OXR1: variants seen among roughly 807,000 people sequenced by gnomAD.
The protein encoded by OXR1 is oxidation resistance protein 1.
OXR1 carries 41 observed loss-of-function variants against 104.6 expected under a neutral mutation model. That is an observed-to-expected ratio of 0.39 (90% CI 0.31 to 0.51). The LOEUF is 0.51. Among genes scored for constraint, OXR1 ranks in the 20% least tolerant of loss-of-function variants. The pLI, the probability that OXR1 is intolerant of heterozygous loss-of-function variation, is 0.77. For missense variants in OXR1, 955 were observed against 1,031.9 expected, an observed-to-expected ratio of 0.93 and a Z score of 1.02; for synonymous variants, 348 against 348.4, an observed-to-expected ratio of 1.00 and a Z score of 0.01.
intron 1 of OXR1, among the ~76,000 whole-genome samples, chr8:106,358,847 T>G (rs1816099692): frequency 6.7e-6 from 1 of 149,706 alleles, no homozygotes; most frequent in Admixed American, 6.6e-5. Flanking sequence ...AATAATTTAG[T>G]GAATAATTTA....
intron 2 of OXR1, among the ~76,000 whole-genome samples, chr8:106,499,689 A>T (rs1252883866): frequency 4.6e-5 from 7 of 152,178 alleles, no homozygotes; most frequent in African/African-American, 1.7e-4. Context: ...TTGACTTTTG[A>T]ATAACTGGTA....
chr8:106,586,854 T>C (rs1818667618), intron 3 of OXR1, among the ~76,000 whole-genome samples: 1 of 152,220 alleles, frequency 6.6e-6, no homozygotes, highest in South Asian at 2.1e-4. Context: ...GAGGAGGTCA[T>C]TGGTGACTTC....
At chr8:106,723,747 A>G (rs987441466) in intron 11 of OXR1, among the ~76,000 whole-genome samples, 1 of 152,118 alleles carries the variant, frequency 6.6e-6, no homozygotes, top group Non-Finnish European at 1.5e-5. Flanking sequence ...AGACTAGTTT[A>G]TGATTTTAAA....
chr8:106,538,069 A>G (rs1814682689), intron 3 of OXR1, among the ~76,000 whole-genome samples: 1 of 152,192 alleles, frequency 6.6e-6, no homozygotes, highest in African/African-American at 2.4e-5. Context: ...AGGCATAAAT[A>G]GTGAGAAATG....
chr8:106,668,879 C>T (rs1826630120), intron 3 of OXR1, among the ~76,000 whole-genome samples: 1 of 152,166 alleles, frequency 6.6e-6, no homozygotes, highest in African/African-American at 2.4e-5. Flanking sequence ...GTATGTCTCT[C>T]AAATGTGTTG....
intron 11 of OXR1, among the ~76,000 whole-genome samples, chr8:106,715,362 CAGT>C (rs894312453): frequency 9.3e-5 from 14 of 150,102 alleles, no homozygotes; most frequent in African/African-American, 2.4e-4. Flanking sequence ...ATGTTACTCT[CAGT>C]GGTGGTTACT....
intron 3 of OXR1, among the ~76,000 whole-genome samples, chr8:106,639,222 C>G (rs1823424889): frequency 6.6e-6 from 1 of 152,094 alleles, no homozygotes; most frequent in Admixed American, 6.5e-5. Flanking sequence ...TAAACTGGTT[C>G]ATTTTAAATT....
chr8:106,516,583 C>G (rs1330393567), intron 2 of OXR1, among the ~76,000 whole-genome samples: 1 of 152,132 alleles, frequency 6.6e-6, no homozygotes, highest in African/African-American at 2.4e-5. Flanking sequence ...AAATGTCACT[C>G]TACTCTGTCA....
In OXR1 at chr8:106,710,777, G is replaced by A; in HGVS notation, c.1780G>A (p.Val594Met). 6.6e-7 allele frequency: 1 copy of A among 1,511,636 alleles called. No homozygotes were observed. The highest frequency in any genetic ancestry group is 2.1e-5 in the Admixed American group (1 of 46,976). The allele number at this position is 1,511,636 out of a possible 1,614,324, so 93.6% of individuals were successfully genotyped here. ...RDKKHEYWFA[V>M]PQERTDHLYA... ...TAAGAAACATGAATATTGGTTTGCT[G>A]TGCCACAAGAAAGGTAAAAAACCCA... Residue 594 changes from valine (V) to methionine (M), a missense_variant, in exon 10 of 17, where the codon GTG (valine) becomes ATG (methionine). Val to Met is a conservative substitution (Grantham distance 21, BLOSUM62 1). Around this residue, in one of 2 missense-constraint regions of OXR1, gnomAD observed 849 missense variants for 852.9 expected, o/e 1.00. Coordinates refer to ENST00000517566, the MANE Select transcript of OXR1 (RefSeq NM_001198533.2).
intron 15 of OXR1, among the ~76,000 whole-genome samples, chr8:106,744,213 A>G (rs1835189573): frequency 6.6e-6 from 1 of 152,226 alleles, no homozygotes; most frequent in South Asian, 2.1e-4. Flanking sequence ...TAAAAGTTAA[A>G]GGAAAAAAAA....
Position 106,692,711 on chromosome 8 carries a change from TTA to T in OXR1, c.526-16_526-15del. On this transcript the variant is annotated splice_polypyrimidine_tract_variant and intron_variant, in intron 6 of 16. Transcript: ENST00000517566. ...TTTTCTGCTTTTTTTTTTCTTTCCT[TTA>T]AAAAAAAAAAAAAGAATCCTGATGT... is the stretch of plus-strand genomic sequence containing the variant. The T allele has an allele frequency of 8.5e-6, 12 of 1,408,816 alleles. No individual in the cohort carries two copies. Among genetic ancestry groups the T allele is most frequent in the South Asian group, 3.3e-5 (2 of 61,220 alleles). The allele number at this position is 1,408,816 out of a possible 1,614,324, so 87.3% of individuals were successfully genotyped here.
chr8:106,594,801 C>T (rs1819387732), intron 3 of OXR1, among the ~76,000 whole-genome samples: 1 of 152,192 alleles, frequency 6.6e-6, no homozygotes, highest in South Asian at 2.1e-4. Flanking sequence ...GAGCCGGGCT[C>T]TCCTCCCTTG....
chr8:106,446,534 C>A (rs1820018220), intron 2 of OXR1, among the ~76,000 whole-genome samples: 1 of 151,738 alleles, frequency 6.6e-6, no homozygotes, highest in Admixed American at 6.6e-5. Context: ...AAGAAAATTG[C>A]TTGAACCTGG....
At chr8:106,574,666 G>A (rs912801753) in intron 3 of OXR1, among the ~76,000 whole-genome samples, 2 of 152,218 alleles carry the variant, frequency 1.3e-5, no homozygotes, top group Non-Finnish European at 2.9e-5. Context: ...ATCCACCAAA[G>A]CTAAGTAAGG....
intron 11 of OXR1, among the ~76,000 whole-genome samples, chr8:106,718,838 CA>C (rs34959772): frequency 0.15 from 20,038 of 132,244 alleles, 1,563 homozygotes; most frequent in East Asian, 0.37. Context: ...GACTCCACCT[CA>C]AAAAAAAAAA....
At chr8:106,698,574 T>C (rs1161603846) in intron 7 of OXR1, among the ~76,000 whole-genome samples, 1 of 152,144 alleles carries the variant, frequency 6.6e-6, no homozygotes, top group Non-Finnish European at 1.5e-5. Flanking sequence ...CATACTCCAT[T>C]CACTTTTTTC....
intron 3 of OXR1, among the ~76,000 whole-genome samples, chr8:106,634,136 T>C (rs1822940165): frequency 6.6e-6 from 1 of 152,200 alleles, no homozygotes; most frequent in Non-Finnish European, 1.5e-5. Context: ...CTTGAATGCG[T>C]TAACATAAGA....
rs539343932 is a variant in OXR1, at chr8:106,607,873, A to G, written c.221-71337A>G. Among the ~76,000 whole-genome samples, 7 of 152,042 alleles carry G rather than the reference A, an allele frequency of 4.6e-5. No individual in the cohort carries two copies. The East Asian group carries it at 1.4e-3, about 29-fold the overall frequency. On this transcript the variant is annotated intron_variant, in intron 3 of 16. Transcript: ENST00000517566. ...ATAGAGAACTTTATGTAATTCAGCCAAACCTACACAGTATGTAGCAAAGAG... is the reference window on the plus strand; with the variant it reads ...ATAGAGAACTTTATGTAATTCAGCCGAACCTACACAGTATGTAGCAAAGAG...
At chr8:106,719,950 C>T (rs371279350) in intron 11 of OXR1, among the ~76,000 whole-genome samples, 76 of 152,190 alleles carry the variant, frequency 5.0e-4, no homozygotes, top group African/African-American at 1.7e-3. Flanking sequence ...GGACTACAGG[C>T]GCCCGCCACC....
Sources: allele counts gnomAD v4.1 joint callset (sites outside exome capture counted in the v4.1 genomes callset), GRCh38; gene constraint gnomAD v4.1.1; regional missense constraint gnomAD v4.1.1; transcripts MANE v1.5; gene names NCBI Gene and HGNC (gene_info 2026-07-23, HGNC 2026-07-21).